GRID1: variants seen among roughly 807,000 people sequenced by gnomAD.
The protein encoded by GRID1 is glutamate ionotropic receptor delta type subunit 1.
A neutral mutation model predicts 98.0 loss-of-function variants in GRID1; 28 were observed. The ratio of observed to expected loss-of-function variants is 0.29; its 90% CI spans 0.21 to 0.39. The LOEUF is 0.39. Among genes scored for constraint, GRID1 ranks in the 10% least tolerant of loss-of-function variants. GRID1 has a pLI of 1.00. For missense variants in GRID1, 1,111 were observed against 1,340.5 expected (o/e 0.83, Z 2.67); for synonymous variants, 553 against 538.5 (o/e 1.03, Z -0.37).
intron 12 of GRID1, among the ~76,000 whole-genome samples, chr10:85,684,697 A>G (rs1403920034): frequency 6.6e-6 from 1 of 152,240 alleles, no homozygotes; most frequent in Admixed American, 6.5e-5. Flanking sequence ...CCACCATACT[A>G]TTTAGCTCAG....
chr10:85,852,821 G>A (rs1843072956), intron 8 of GRID1, among the ~76,000 whole-genome samples: 1 of 152,006 alleles, frequency 6.6e-6, no homozygotes, highest in Non-Finnish European at 1.5e-5. Flanking sequence ...GACATCATAG[G>A]CCAGCCCTGG....
chr10:86,341,280 AC>A (rs1297960156), intron 2 of GRID1, among the ~76,000 whole-genome samples: 2 of 151,734 alleles, frequency 1.3e-5, no homozygotes, highest in Non-Finnish European at 2.9e-5. Context: ...TAGCAAGAAA[AC>A]CCTACCACCG....
At chr10:86,188,326 G>A (rs1458043423) in intron 3 of GRID1, among the ~76,000 whole-genome samples, 2 of 152,148 alleles carry the variant, frequency 1.3e-5, no homozygotes, top group South Asian at 2.1e-4. Context: ...TGCCAACAAG[G>A]GCTCAGGCTC....
At chr10:85,671,419 T>C (rs889585897) in intron 12 of GRID1, among the ~76,000 whole-genome samples, 1 of 152,202 alleles carries the variant, frequency 6.6e-6, no homozygotes, top group Non-Finnish European at 1.5e-5. Context: ...CAGTGATCTA[T>C]GATCAGTGAT....
Position 85,852,483 on chromosome 10 carries a change from G to A in GRID1, c.1233+2013C>T, listed in dbSNP as rs57190538. Among the ~76,000 whole-genome samples, 828 of 152,298 alleles carry A rather than the reference G, an allele frequency of 5.4e-3. 6 individuals are homozygous for A. Among genetic ancestry groups the A allele is most frequent in the African/African-American group, 0.019 (781 of 41,578 alleles). ...CAGGCACAGGACTGGAGGGTCAGCT[G>A]CTTGAGACAAGGCAGGGACCTCCAC... On this transcript the variant is annotated intron_variant, in intron 8 of 15. Transcript: ENST00000327946.
chr10:86,189,807 T>A (rs1473332662), intron 3 of GRID1, among the ~76,000 whole-genome samples: 2 of 152,138 alleles, frequency 1.3e-5, no homozygotes, highest in Non-Finnish European at 2.9e-5. Flanking sequence ...CTGCCAAATG[T>A]CCCCGGGGCC....
chr10:86,269,238 TC>T (rs1847149342), intron 2 of GRID1, among the ~76,000 whole-genome samples: 1 of 152,114 alleles, frequency 6.6e-6, no homozygotes, highest in African/African-American at 2.4e-5. Context: ...TTTGATTAGC[TC>T]CAAGATGCCT....
At chr10:85,734,346 A>C (rs1227717412) in intron 8 of GRID1, among the ~76,000 whole-genome samples, 1 of 152,178 alleles carries the variant, frequency 6.6e-6, no homozygotes, top group Non-Finnish European at 1.5e-5. Flanking sequence ...GCTTCAAATC[A>C]TTTTAGTTAA....
At chr10:86,279,031 G>C (rs964633214) in intron 2 of GRID1, among the ~76,000 whole-genome samples, 4 of 152,220 alleles carry the variant, frequency 2.6e-5, no homozygotes, top group Non-Finnish European at 5.9e-5. Context: ...TTCACATGTT[G>C]AAGTACTACC....
Position 86,006,915 on chromosome 10 carries a change from G to A in GRID1, c.727-90676C>T, listed in dbSNP as rs529639651. On this transcript the variant is annotated intron_variant, in intron 4 of 15. Coordinates refer to ENST00000327946, the MANE Select transcript of GRID1 (RefSeq NM_017551.3). ...GGGAAGCTGGCGGTGGTGGGGTTAT[G>A]AAGCTGTGATGTCAGTGCCAACTCC... is the stretch of plus-strand genomic sequence containing the variant. 9.2e-5 allele frequency among the ~76,000 whole-genome samples: 14 copies of A among 152,166 alleles called. No individual in the cohort carries two copies. The South Asian group carries it at 1.7e-3, about 18-fold the overall frequency.
chr10:85,801,257 C>T (rs1842574378), intron 8 of GRID1, among the ~76,000 whole-genome samples: 2 of 151,662 alleles, frequency 1.3e-5, no homozygotes, highest in Non-Finnish European at 2.9e-5. Context: ...AAGGTTTTCC[C>T]ACAAAGAAGT....
chr10:85,667,205 A>G (rs988468766), intron 12 of GRID1, among the ~76,000 whole-genome samples: 2 of 152,060 alleles, frequency 1.3e-5, no homozygotes, highest in African/African-American at 4.8e-5. Flanking sequence ...AAGCCCGTCT[A>G]TTCTTTATCT....
intron 3 of GRID1, among the ~76,000 whole-genome samples, chr10:86,160,998 C>T (rs146547575): frequency 1.9e-4 from 29 of 152,360 alleles, no homozygotes; most frequent in Middle Eastern, 6.8e-3. Flanking sequence ...CCCCTAAATA[C>T]TCAAGAATGA....
At chr10:85,745,830 G>C (rs554757526) in intron 8 of GRID1, among the ~76,000 whole-genome samples, 1 of 152,050 alleles carries the variant, frequency 6.6e-6, no homozygotes, top group Non-Finnish European at 1.5e-5. Flanking sequence ...CTGAAGTATG[G>C]GAAGGAAATC....
At chr10:86,059,979 A>T (rs1843627101) in intron 4 of GRID1, among the ~76,000 whole-genome samples, 1 of 152,230 alleles carries the variant, frequency 6.6e-6, no homozygotes, top group Non-Finnish European at 1.5e-5. Context: ...CAAAGCCACA[A>T]AGTGTTGGGT....
intron 13 of GRID1, among the ~76,000 whole-genome samples, chr10:85,632,579 G>T: frequency 6.6e-6 from 1 of 151,714 alleles, no homozygotes; most frequent in East Asian, 1.9e-4. Flanking sequence ...AGGTTTTTTT[G>T]TTGTTTTGAG....
intron 3 of GRID1, among the ~76,000 whole-genome samples, chr10:86,169,283 G>A (rs1428499632): frequency 1.3e-5 from 2 of 152,222 alleles, no homozygotes; most frequent in Non-Finnish European, 2.9e-5. Context: ...TGTTGAGCTT[G>A]TCAAGCCACG....
chr10:85,944,169 G>A (rs1317475251), intron 4 of GRID1, among the ~76,000 whole-genome samples: 1 of 152,244 alleles, frequency 6.6e-6, no homozygotes, highest in Non-Finnish European at 1.5e-5. Flanking sequence ...GCCAAGACCA[G>A]TAACAGAACT....
At chr10:85,799,005 A>T (rs1296026059) in intron 8 of GRID1, among the ~76,000 whole-genome samples, 1 of 151,960 alleles carries the variant, frequency 6.6e-6, no homozygotes, top group Non-Finnish European at 1.5e-5. Context: ...TTTAGTATTT[A>T]ATCTATTTTG....
Sources: gnomAD v4.1 joint callset for allele counts (sites outside exome capture counted in the v4.1 genomes callset) on GRCh38, gnomAD v4.1.1 for gene constraint, MANE v1.5 for transcripts, NCBI Gene and HGNC (gene_info 2026-07-23, HGNC 2026-07-21) for gene names.